Variants in NECTIN1 observed in about 807,000 individuals in gnomAD.
NECTIN1 encodes the protein nectin cell adhesion molecule 1.
In NECTIN1, 23 loss-of-function variants were observed where a neutral mutation model predicts 48.0. The ratio of observed to expected loss-of-function variants is 0.48; its 90% CI spans 0.34 to 0.68. The LOEUF (loss-of-function observed/expected upper bound fraction) is 0.68. Ranked by LOEUF, NECTIN1 falls within the 30% of genes least tolerant of loss-of-function variation. The pLI is 0.01. For missense variants in NECTIN1, 591 were observed against 709.9 expected, an observed-to-expected ratio of 0.83 and a Z score of 1.90; for synonymous variants, 270 against 288.9, an observed-to-expected ratio of 0.93 and a Z score of 0.66.
In NECTIN1 at chr11:119,675,301, G is replaced by A; in HGVS notation, c.861C>T (p.Gly287=). 6.2e-7 allele frequency: 1 copy of A among 1,614,130 alleles called. No homozygotes were observed. Among genetic ancestry groups the A allele is most frequent in the East Asian group, 2.2e-5 (1 of 44,862 alleles). ...ATEYHWTTLN[G]SLPKGVEAQN... ...GGGCCTCCACACCCTTGGGGAGAGA[G>A]CCATTTAGCCTGTGGGAAGTGGGAG... The change falls in exon 5 of 6, where the codon GGC becomes GGT. Residue 287 remains glycine (G), a synonymous_variant. Coordinates refer to ENST00000264025, the MANE Select transcript of NECTIN1 (RefSeq NM_002855.5).
chr11:119,674,841 G>T (rs1303865238), intron 5 of NECTIN1, among the ~76,000 whole-genome samples: 1 of 152,198 alleles, frequency 6.6e-6, no homozygotes, highest in Admixed American at 6.5e-5. Flanking sequence ...GCATCCCACA[G>T]CGTGTTCTGC....
At chr11:119,695,953 A>G (rs995538306) in intron 1 of NECTIN1, among the ~76,000 whole-genome samples, 1 of 152,220 alleles carries the variant, frequency 6.6e-6, no homozygotes, top group Non-Finnish European at 1.5e-5. Flanking sequence ...GGTGTCTTAC[A>G]TGAGGTTATA....
chr11:119,699,177 G>A (rs1005835205), intron 1 of NECTIN1, among the ~76,000 whole-genome samples: 11 of 152,148 alleles, frequency 7.2e-5, no homozygotes, highest in African/African-American at 2.4e-4. Context: ...TCTGCCAGCC[G>A]GCCCCCTGGT....
At chr11:119,648,310 G>A (rs200987428) in intron 5 of NECTIN1, among the ~76,000 whole-genome samples, 1 of 5,940 alleles carries the variant, frequency 1.7e-4, no homozygotes, top group African/African-American at 5.2e-4. Context: ...GGTGGTGATG[G>A]TGGTGATGGT....
chr11:119,720,370 G>T (rs1038146110), intron 1 of NECTIN1, among the ~76,000 whole-genome samples: 2 of 152,242 alleles, frequency 1.3e-5, no homozygotes, highest in African/African-American at 2.4e-5. Flanking sequence ...GCCCTCACAG[G>T]GGCACTCCAC....
At position 119,664,282 on chromosome 11, in the gene NECTIN1, C is replaced by T. The variant is rs1203099280; in HGVS notation, c.*465G>A. The T allele has an allele frequency of 1.0e-6, 1 of 998,196 alleles. No individual in the cohort carries two copies. Among genetic ancestry groups the T allele is most frequent in the African/African-American group, 1.7e-5 (1 of 57,438 alleles). 61.8% of individuals were successfully genotyped at this position (998,196 alleles called of 1,614,324 possible). A position where few individuals can be genotyped will look rare whatever the true frequency, so the allele number is the denominator to read the frequency against. Reference sequence around the variant, plus strand: ...TTCACTGGTGGGTGTTGGGTTCCCTCTAGCCGGGAGGAGGAGCAGCATCTG... The same window carrying T: ...TTCACTGGTGGGTGTTGGGTTCCCTTTAGCCGGGAGGAGGAGCAGCATCTG... On this transcript the variant is annotated 3_prime_UTR_variant, in exon 6 of 6. Transcript: ENST00000264025.
At position 119,639,937 on chromosome 11, in the gene NECTIN1, A is replaced by G. The variant is rs774111612; in HGVS notation, c.1079T>C (p.Leu360Pro). 4.3e-6 allele frequency: 7 copies of G among 1,614,076 alleles called. No individual in the cohort carries two copies. In the Admixed American group the frequency reaches 1.2e-4, roughly 27 times the overall value. The change falls in exon 6 of 8, where the codon CTA becomes CCA. Residue 360 changes from leucine to proline, a missense_variant. Physicochemically the swap from Leu to Pro is moderately conservative, Grantham distance 98. Coordinates refer to the NECTIN1 transcript ENST00000341398. ...GAAGAAGACAGTGAGCACAGCAACT[A>G]GGATGAGGAACACGGCCACGGTGCC...
At chr11:119,669,006 A>G (rs902467704) in intron 5 of NECTIN1, among the ~76,000 whole-genome samples, 1 of 152,176 alleles carries the variant, frequency 6.6e-6, no homozygotes, top group Admixed American at 6.5e-5. Flanking sequence ...ATCTTCCTCA[A>G]CTAGGTTGAA....
At chr11:119,647,401 A>AC (rs756851208) in intron 5 of NECTIN1, among the ~76,000 whole-genome samples, 41 of 151,126 alleles carry the variant, frequency 2.7e-4, no homozygotes, top group Non-Finnish European at 4.9e-4. Flanking sequence ...CCGACTCTGA[A>AC]CCCCCTCCAA....
chr11:119,649,386 AAAAAAG>A (rs1864457974), intron 5 of NECTIN1, among the ~76,000 whole-genome samples: 1 of 151,752 alleles, frequency 6.6e-6, no homozygotes, highest in Non-Finnish European at 1.5e-5. Context: ...TCTCAAAAAA[AAAAAAG>A]AAAAAGAAAA....
At chr11:119,674,344 T>C in intron 5 of NECTIN1, 2 of 1,406,172 alleles carry the variant, frequency 1.4e-6, no homozygotes, top group South Asian at 1.5e-5. Flanking sequence ...TGTGGACTTG[T>C]TTTGATGCTT....
intron 1 of NECTIN1, among the ~76,000 whole-genome samples, chr11:119,706,462 G>A (rs561987364): frequency 6.6e-6 from 1 of 152,116 alleles, no homozygotes; most frequent in Non-Finnish European, 1.5e-5. Context: ...AGAACTGCTG[G>A]TTGCCTAGGA....
At chr11:119,698,635 T>C (rs781092227) in intron 1 of NECTIN1, among the ~76,000 whole-genome samples, 2 of 152,214 alleles carry the variant, frequency 1.3e-5, no homozygotes, top group Non-Finnish European at 2.9e-5. Context: ...CTTCCACTCA[T>C]TGGCAAGTTG....
chr11:119,645,538 C>T (rs942150879), intron 5 of NECTIN1, among the ~76,000 whole-genome samples: 1 of 152,178 alleles, frequency 6.6e-6, no homozygotes, highest in African/African-American at 2.4e-5. Context: ...CAGGGACCAA[C>T]AGTGGCCATC....
At chr11:119,685,401 C>G (rs1020575767) in intron 1 of NECTIN1, among the ~76,000 whole-genome samples, 10 of 152,196 alleles carry the variant, frequency 6.6e-5, no homozygotes, top group African/African-American at 2.2e-4. Flanking sequence ...GGAAAAGCCC[C>G]GAGAAGGAGG....
chr11:119,706,098 C>T (rs1008837117), intron 1 of NECTIN1, among the ~76,000 whole-genome samples: 5 of 152,310 alleles, frequency 3.3e-5, no homozygotes, highest in South Asian at 2.1e-4. Context: ...TCCCCTCGGC[C>T]GCCAGCCAGG....
intron 1 of NECTIN1, among the ~76,000 whole-genome samples, chr11:119,710,257 G>A (rs913111031): frequency 6.6e-6 from 1 of 152,364 alleles, no homozygotes; most frequent in East Asian, 1.9e-4. Context: ...TCAGGAACAC[G>A]CGGGAGCAGT....
chr11:119,704,215 C>T (rs1865504725), intron 1 of NECTIN1, among the ~76,000 whole-genome samples: 2 of 152,014 alleles, frequency 1.3e-5, no homozygotes, highest in African/African-American at 4.8e-5. Flanking sequence ...AGGACCACCC[C>T]AGTGTTTCCT....
rs1272293971 is a variant in NECTIN1, at chr11:119,664,139, A to AGG, written c.*606_*607dup. ...ACCCTCAGCAGGAAAACACTGCCCA[A>AGG]GGCCCCGCTTAACAAACAAGACTCC... On this transcript the variant is annotated 3_prime_UTR_variant, in exon 6 of 6. Transcript: ENST00000264025. The AGG allele has an allele frequency of 1.7e-5, 17 of 986,118 alleles. No individual in the cohort carries two copies. Among genetic ancestry groups the AGG allele is most frequent in the Non-Finnish European group, 1.9e-5 (16 of 830,276 alleles). 61.1% of individuals were successfully genotyped at this position (986,118 alleles called of 1,614,324 possible).
Sources: allele counts gnomAD v4.1 joint callset (sites outside exome capture counted in the v4.1 genomes callset), GRCh38; gene constraint gnomAD v4.1.1; transcripts MANE v1.5; gene names NCBI Gene and HGNC (gene_info 2026-07-23, HGNC 2026-07-21).